Variants in DEPDC5 observed in about 807,000 individuals in gnomAD.
DEPDC5 encodes DEP domain containing 5, GATOR1 subcomplex subunit, also known as GATOR1 complex protein DEPDC5.
Under a neutral mutation model 217.3 loss-of-function variants are expected in DEPDC5, and 73 were observed. That is an observed-to-expected ratio of 0.34 (90% confidence interval 0.28 to 0.41). The LOEUF (loss-of-function observed/expected upper bound fraction) is 0.41. Ranked by LOEUF, DEPDC5 falls within the 10% of genes least tolerant of loss-of-function variation. The probability of loss-of-function intolerance (pLI) is 1.00; values close to 1 mark genes in which losing one functional copy is unlikely to be tolerated. For missense variants in DEPDC5, 1,675 were observed against 2,070.1 expected, an observed-to-expected ratio of 0.81 and a Z score of 3.70; for synonymous variants, 733 against 756.7, an observed-to-expected ratio of 0.97 and a Z score of 0.51.
Position 31,843,727 on chromosome 22 carries a change from G to A in DEPDC5, c.2716G>A (p.Val906Met). The change falls in exon 29 of 43, where the codon GTG becomes ATG. Residue 906 changes from valine (V) to methionine (M), a missense_variant. By Grantham distance (21) the Val-to-Met change is conservative. Coordinates refer to ENST00000651528, the MANE Select transcript of DEPDC5 (RefSeq NM_001242896.3). ...HSDSEFVSCW[V>M]EFSHERLEEY... ...AGACTCAGAGTTCGTCTCCTGCTGGGTGGAATTCTCCCACGAACGGCTGGA... is the reference window on the plus strand; with the variant it reads ...AGACTCAGAGTTCGTCTCCTGCTGGATGGAATTCTCCCACGAACGGCTGGA... The A allele has an allele frequency of 6.2e-7, 1 of 1,614,044 alleles. No individual in the cohort carries two copies. The highest frequency in any genetic ancestry group is 8.5e-7 in the Non-Finnish European group (1 of 1,179,972).
At chr22:31,768,926 C>G in intron 7 of DEPDC5, 63 bp downstream of exon 7, 7 of 1,564,038 alleles carry the variant, frequency 4.5e-6, no homozygotes, top group Non-Finnish European at 5.3e-6. Context: ...GCAGTGGAGG[C>G]GTATGGATGT....
At chr22:31,766,479 T>C (rs1409762803) in intron 5 of DEPDC5, 106 bp from the exon 6 acceptor site, 3 of 1,070,942 alleles carry the variant, frequency 2.8e-6, no homozygotes, top group Non-Finnish European at 4.2e-6. Flanking sequence ...CTTCCAGTAG[T>C]TTTCTTTTTT....
At chr22:31,815,869 TC>T in intron 21 of DEPDC5, 1 of 1,098,160 alleles carries the variant, frequency 9.1e-7, no homozygotes, top group Non-Finnish European at 1.1e-6. Context: ...CCTTTCTTCA[TC>T]CATCATTTAA....
At position 31,819,783 on chromosome 22, in the gene DEPDC5, T is replaced by G. The variant is rs77125315; in HGVS notation, c.1870+558T>G. Among the ~76,000 whole-genome samples the G allele has an allele frequency of 4.2e-3, 643 of 152,294 alleles. 2 individuals are homozygous for G. Among genetic ancestry groups the G allele is most frequent in the African/African-American group, 0.015 (623 of 41,586 alleles). ...CCGCATCCGGCCCTTTGTTTCTATT[T>G]GAGAGGAACTATGCATTGCCACCTG... On this transcript the variant is annotated intron_variant, in intron 22 of 42. Transcript: ENST00000651528.
chr22:31,754,798 A>G, intron 1 of DEPDC5, 64 bp from the exon 2 acceptor site: 1 of 1,127,250 alleles, frequency 8.9e-7, no homozygotes, highest in Non-Finnish European at 1.3e-6. Flanking sequence ...CTGGCCTAAA[A>G]TCAAAGAGTG....
At chr22:31,834,091 A>ATGTG in intron 25 of DEPDC5, 111 bp downstream of exon 25, 4 of 1,054,734 alleles carry the variant, frequency 3.8e-6, no homozygotes, top group Non-Finnish European at 5.9e-6. Flanking sequence ...TGAGGTACAC[A>ATGTG]TACCTCTGGG....
intron 27 of DEPDC5, among the ~76,000 whole-genome samples, chr22:31,842,569 C>G (rs928711986): frequency 3.7e-5 from 5 of 135,428 alleles, no homozygotes; most frequent in Non-Finnish European, 7.7e-5. Flanking sequence ...GAGCGAAACT[C>G]CATCTCAAAA....
chr22:31,766,204 A>T (rs574134377), intron 5 of DEPDC5, among the ~76,000 whole-genome samples: 1 of 152,240 alleles, frequency 6.6e-6, no homozygotes, highest in East Asian at 1.9e-4. Flanking sequence ...ATGTATTCTC[A>T]TTTTTCTTCA....
chr22:31,833,953 G>T lies in DEPDC5; in HGVS notation c.2143G>T (p.Asp715Tyr). The T allele has an allele frequency of 1.2e-6, 2 of 1,613,076 alleles. No individual in the cohort carries two copies. Among genetic ancestry groups the T allele is most frequent in the African/African-American group, 2.7e-5 (2 of 75,008 alleles). ...GACCCAGAATAAGGATTCTCTAGAG[G>T]ACAGTGTTTCTACCTCTCCAGACCC... The part of the protein sequence containing the change: ...PRTQNKDSLE[D>Y]SVSTSPDPIL... Residue 715 changes from aspartate to tyrosine, a missense_variant, in exon 25 of 43, where the codon GAC becomes TAC. This residue lies in a region of DEPDC5 where 136 missense variants were observed against 132.2 expected (regional missense o/e 1.03). Transcript: ENST00000651528.
intron 7 of DEPDC5, among the ~76,000 whole-genome samples, chr22:31,771,816 C>T (rs561341201): frequency 5.4e-4 from 81 of 149,690 alleles, no homozygotes; most frequent in African/African-American, 1.9e-3. Context: ...TGCCTCTAAT[C>T]CCAGCACTTT....
Position 31,782,686 on chromosome 22 carries a change from C to T in DEPDC5, c.484-1221C>T, listed in dbSNP as rs545130916. Among the ~76,000 whole-genome samples, 6 of 152,254 alleles carry T rather than the reference C, an allele frequency of 3.9e-5. No homozygotes were observed. In the South Asian group the frequency reaches 6.2e-4, roughly 16 times the overall value. Reference sequence around the variant, plus strand: ...CACATCTTAGCCCAAGTTCTGTCTCCGTAATGAGATTTCCATAACTTTCCT... The same window carrying T: ...CACATCTTAGCCCAAGTTCTGTCTCTGTAATGAGATTTCCATAACTTTCCT... On this transcript the variant is annotated intron_variant, in intron 8 of 42. Transcript: ENST00000651528.
At chr22:31,904,936 A>G (rs2093730071) in intron 41 of DEPDC5, among the ~76,000 whole-genome samples, 1 of 152,212 alleles carries the variant, frequency 6.6e-6, no homozygotes, top group Non-Finnish European at 1.5e-5. Context: ...AGTCCAGGAA[A>G]GAAGACAGGC....
chr22:31,765,209 A>G, intron 5 of DEPDC5, 149 bp downstream of exon 5: 1 of 655,634 alleles, frequency 1.5e-6, no homozygotes, highest in Non-Finnish European at 2.7e-6. Flanking sequence ...GTACATCAGG[A>G]GGCTGAGACA....
At chr22:31,855,833 T>A (rs1785965576) in intron 31 of DEPDC5, among the ~76,000 whole-genome samples, 1 of 151,812 alleles carries the variant, frequency 6.6e-6, no homozygotes, top group Non-Finnish European at 1.5e-5. Context: ...AAAAAAAAAA[T>A]TTAAGGGAGA....
chr22:31,876,808 T>A (rs998415164), intron 37 of DEPDC5, among the ~76,000 whole-genome samples: 2 of 152,174 alleles, frequency 1.3e-5, no homozygotes, highest in Non-Finnish European at 2.9e-5. Context: ...GAGGGAAAAC[T>A]TTTTTAGCGT....
chr22:31,792,686 T>A, intron 11 of DEPDC5, 59 bp from the exon 12 acceptor site: 1 of 1,261,990 alleles, frequency 7.9e-7, no homozygotes, highest in Admixed American at 2.7e-5. Context: ...AAGAGGAAGC[T>A]GACAAAACTG....
At chr22:31,838,387 G>A (rs538137322) in intron 26 of DEPDC5, among the ~76,000 whole-genome samples, 17 of 152,106 alleles carry the variant, frequency 1.1e-4, no homozygotes, top group Admixed American at 5.9e-4. Context: ...GACTACAAGC[G>A]CGTGCCACCA....
intron 27 of DEPDC5, among the ~76,000 whole-genome samples, chr22:31,840,617 C>A (rs966980074): frequency 6.6e-6 from 1 of 152,222 alleles, no homozygotes; most frequent in African/African-American, 2.4e-5. Flanking sequence ...GATCCATGAG[C>A]CTCATGTGAT....
intron 24 of DEPDC5, among the ~76,000 whole-genome samples, chr22:31,832,190 CT>C (rs1326896682): frequency 1.3e-5 from 2 of 152,232 alleles, no homozygotes; most frequent in Admixed American, 1.3e-4. Flanking sequence ...GATAATTGGG[CT>C]GTTTCCAGGT....
Sources: allele counts gnomAD v4.1 joint callset (sites outside exome capture counted in the v4.1 genomes callset), GRCh38; gene constraint gnomAD v4.1.1; regional missense constraint gnomAD v4.1.1; transcripts MANE v1.5; gene names NCBI Gene and HGNC (gene_info 2026-07-23, HGNC 2026-07-21).